NCAM2: variants seen among roughly 807,000 people sequenced by gnomAD.
The protein encoded by NCAM2 is N-CAM-2.
NCAM2 carries 30 observed loss-of-function variants against 98.1 expected under a neutral mutation model. That is an observed-to-expected ratio of 0.31 (90% CI 0.23 to 0.41). NCAM2 has a LOEUF of 0.41. Ranked by LOEUF, NCAM2 falls within the 10% of genes least tolerant of loss-of-function variation. NCAM2 has a pLI of 1.00. For missense variants in NCAM2, 867 were observed against 1,005.8 expected, an observed-to-expected ratio of 0.86 and a Z score of 1.87; for synonymous variants, 368 against 342.4, an observed-to-expected ratio of 1.07 and a Z score of -0.83.
intron 9 of NCAM2, among the ~76,000 whole-genome samples, chr21:21,387,919 A>G (rs1435221238): frequency 6.6e-6 from 1 of 152,226 alleles, no homozygotes; most frequent in Non-Finnish European, 1.5e-5. Context: ...AGTGAGACAC[A>G]TCAGTCAGCT....
chr21:21,254,180 G>A (rs547615639), intron 1 of NCAM2, among the ~76,000 whole-genome samples: 10 of 152,174 alleles, frequency 6.6e-5, no homozygotes, highest in South Asian at 6.2e-4. Flanking sequence ...ATCAAAAGCC[G>A]CACTTAGCAC....
chr21:21,013,086 A>G (rs1185209168), intron 1 of NCAM2, among the ~76,000 whole-genome samples: 2 of 152,192 alleles, frequency 1.3e-5, no homozygotes, highest in Non-Finnish European at 2.9e-5. Context: ...AATGGCCCCT[A>G]AATATTCAAG....
chr21:21,321,405 TGTTTA>T (rs1458504917), intron 5 of NCAM2, among the ~76,000 whole-genome samples: 2 of 152,076 alleles, frequency 1.3e-5, no homozygotes, highest in Non-Finnish European at 2.9e-5. Flanking sequence ...GTGCAAAAGC[TGTTTA>T]GTTTAATTAG....
chr21:21,261,129 G>A (rs2071883121), intron 1 of NCAM2, among the ~76,000 whole-genome samples: 1 of 151,986 alleles, frequency 6.6e-6, no homozygotes, highest in Non-Finnish European at 1.5e-5. Context: ...TAGTGATAAA[G>A]GTTTCAATTC....
intron 5 of NCAM2, among the ~76,000 whole-genome samples, chr21:21,311,386 G>A (rs1293033659): frequency 7.0e-6 from 1 of 141,886 alleles, no homozygotes; most frequent in Non-Finnish European, 1.5e-5. Context: ...TGTGGCCCAG[G>A]CTGGAGTGCA....
intron 1 of NCAM2, among the ~76,000 whole-genome samples, chr21:21,022,373 A>T (rs936994947): frequency 1.8e-4 from 27 of 152,104 alleles, no homozygotes; most frequent in African/African-American, 5.8e-4. Context: ...GTAATAGTCA[A>T]ACTCCTAGAA....
intron 8 of NCAM2, among the ~76,000 whole-genome samples, chr21:21,345,354 T>A (rs2075158141): frequency 6.6e-6 from 1 of 151,838 alleles, no homozygotes; most frequent in South Asian, 2.1e-4. Context: ...AATAGTTGTG[T>A]TGAGGAAACT....
chr21:21,351,241 C>G (rs2075331901), intron 8 of NCAM2, among the ~76,000 whole-genome samples: 1 of 147,838 alleles, frequency 6.8e-6, no homozygotes, highest in Non-Finnish European at 1.5e-5. Flanking sequence ...TTTTAAATTT[C>G]TAGGCAATTT....
chr21:21,092,122 G>C (rs899483304), intron 1 of NCAM2, among the ~76,000 whole-genome samples: 5 of 152,056 alleles, frequency 3.3e-5, no homozygotes, highest in Admixed American at 1.3e-4. Flanking sequence ...GATACATGAA[G>C]AAATTGCCTG....
intron 1 of NCAM2, among the ~76,000 whole-genome samples, chr21:21,025,187 G>A (rs1055417879): frequency 6.6e-6 from 1 of 151,854 alleles, no homozygotes; most frequent in East Asian, 2.0e-4. Flanking sequence ...CCGGGTTCAT[G>A]CCATTCTCCT....
chr21:21,295,594 T>A (rs781435949), intron 5 of NCAM2, among the ~76,000 whole-genome samples: 4 of 151,744 alleles, frequency 2.6e-5, no homozygotes, highest in Non-Finnish European at 4.4e-5. Context: ...ATCACATATT[T>A]TCTCTTTTTC....
At chr21:21,315,622 C>T (rs953908560) in intron 5 of NCAM2, among the ~76,000 whole-genome samples, 3 of 152,166 alleles carry the variant, frequency 2.0e-5, no homozygotes, top group Admixed American at 2.0e-4. Context: ...GATTTCCTTC[C>T]TGCTTCCTGA....
At chr21:21,024,860 C>G (rs1452084759) in intron 1 of NCAM2, among the ~76,000 whole-genome samples, 4 of 150,936 alleles carry the variant, frequency 2.7e-5, no homozygotes, top group African/African-American at 9.7e-5. Flanking sequence ...TCACTCCAGC[C>G]TGGGCCAGAG....
intron 8 of NCAM2, among the ~76,000 whole-genome samples, chr21:21,357,500 G>T (rs2075522076): frequency 1.3e-5 from 2 of 151,936 alleles, no homozygotes; most frequent in Admixed American, 1.3e-4. Context: ...TTAAAATATG[G>T]AGCCTGTAGC....
At chr21:21,014,432 A>AG (rs2064268875) in intron 1 of NCAM2, among the ~76,000 whole-genome samples, 1 of 152,026 alleles carries the variant, frequency 6.6e-6, no homozygotes, top group Non-Finnish European at 1.5e-5. Context: ...TCAAAAAAAA[A>AG]AAAAAAAAAT....
intron 15 of NCAM2, among the ~76,000 whole-genome samples, chr21:21,491,117 T>C (rs2146307786): frequency 6.6e-6 from 1 of 151,942 alleles, no homozygotes; most frequent in South Asian, 2.1e-4. Flanking sequence ...ATTAAGTTAC[T>C]CAATTTTTGG....
chr21:21,046,976 A>G lies in NCAM2; in HGVS notation c.55+48358A>G, dbSNP rs572674493. 3.3e-5 allele frequency among the ~76,000 whole-genome samples: 5 copies of G among 152,320 alleles called. No homozygotes were observed. In the South Asian group the frequency reaches 8.3e-4, roughly 25 times the overall value. On this transcript the variant is annotated intron_variant, in intron 1 of 17. Coordinates refer to ENST00000400546, the MANE Select transcript of NCAM2 (RefSeq NM_004540.5). Reference sequence around the variant, plus strand: ...AGTTATTTTATTCTCCCTAATTGGTACATCTCCTTTATTGTATTAAATAAG... The same window carrying G: ...AGTTATTTTATTCTCCCTAATTGGTGCATCTCCTTTATTGTATTAAATAAG...
chr21:21,010,709 GC>G (rs1238637460), intron 1 of NCAM2, among the ~76,000 whole-genome samples: 1 of 152,072 alleles, frequency 6.6e-6, no homozygotes, highest in African/African-American at 2.4e-5. Context: ...TCACTCCCAT[GC>G]CTTTTACCTC....
At chr21:21,278,506 C>G (rs1041275698) in intron 1 of NCAM2, among the ~76,000 whole-genome samples, 1 of 152,162 alleles carries the variant, frequency 6.6e-6, no homozygotes, top group Non-Finnish European at 1.5e-5. Flanking sequence ...TACCTAAAAT[C>G]TATTTTTCCC....
Sources: allele counts gnomAD v4.1 joint callset (sites outside exome capture counted in the v4.1 genomes callset), GRCh38; gene constraint gnomAD v4.1.1; transcripts MANE v1.5; gene names NCBI Gene and HGNC (gene_info 2026-07-23, HGNC 2026-07-21).